Variants in TANK observed in about 807,000 individuals in gnomAD.
The protein encoded by TANK is TRAF family member associated NFKB activator, also known as TRAF family member-associated NF-kappa-B activator.
A neutral mutation model predicts 43.6 loss-of-function variants in TANK; 15 were observed. That is an observed-to-expected ratio of 0.34 (90% confidence interval 0.23 to 0.53). TANK has a LOEUF of 0.53. Among genes scored for constraint, TANK ranks in the 20% least tolerant of loss-of-function variants. The pLI is 0.94. For synonymous variants in TANK, 162 were observed against 178.2 expected (o/e 0.91, Z 0.73); for missense variants, 417 against 498.6 (o/e 0.84, Z 1.56).
intron 1 of TANK, among the ~76,000 whole-genome samples, chr2:161,150,303 C>T (rs1684037195): frequency 1.3e-5 from 2 of 151,954 alleles, no homozygotes; most frequent in South Asian, 4.1e-4. Context: ...CTTTGTATTT[C>T]TATTTGGTTG....
chr2:161,169,996 C>T (rs1296852869), intron 1 of TANK, among the ~76,000 whole-genome samples: 1 of 152,172 alleles, frequency 6.6e-6, no homozygotes, highest in Non-Finnish European at 1.5e-5. Flanking sequence ...AAATAGGGAA[C>T]CACCTTCTTC....
At chr2:161,184,464 ATATC>A (rs1440967883) in intron 2 of TANK, among the ~76,000 whole-genome samples, 2 of 152,208 alleles carry the variant, frequency 1.3e-5, no homozygotes, top group Non-Finnish European at 2.9e-5. Flanking sequence ...GATACATAAA[ATATC>A]TATTAATATA....
At chr2:161,196,581 G>A (rs980291581) in intron 2 of TANK, among the ~76,000 whole-genome samples, 13 of 152,130 alleles carry the variant, frequency 8.5e-5, no homozygotes, top group South Asian at 2.1e-4. Flanking sequence ...GGGGCCAGGC[G>A]CGGTGGCTCA....
intron 1 of TANK, chr2:161,138,103 C>T (rs1206825707): frequency 3.5e-6 from 1 of 285,672 alleles, no homozygotes; most frequent in East Asian, 1.8e-4. Flanking sequence ...ACCATTTAAA[C>T]TTACACAGTT....
At chr2:161,211,794 G>T in intron 4 of TANK, 1 of 985,442 alleles carries the variant, frequency 1.0e-6, no homozygotes, top group Non-Finnish European at 1.2e-6. Flanking sequence ...GGGGCTTAGA[G>T]AACTGGAGAA....
At chr2:161,152,555 G>A (rs1234730434) in intron 1 of TANK, among the ~76,000 whole-genome samples, 1 of 151,922 alleles carries the variant, frequency 6.6e-6, no homozygotes, top group African/African-American at 2.4e-5. Context: ...CTTTCTTGCT[G>A]CTTTCAATAT....
rs550826603 is a variant in TANK, at chr2:161,219,354, T to C, written c.328-4561T>C. ...TTTTATTTTTATATTGTTTATTTTCTTGCCACTTCCTTCAGAACTCTGGGA... is the reference window on the plus strand; with the variant it reads ...TTTTATTTTTATATTGTTTATTTTCCTGCCACTTCCTTCAGAACTCTGGGA... On this transcript the variant is annotated intron_variant, in intron 4 of 7. Transcript: ENST00000392749. Among the ~76,000 whole-genome samples, 597 of 152,314 alleles carry C rather than the reference T, an allele frequency of 3.9e-3. 3 individuals carry two copies. The highest frequency in any genetic ancestry group is 0.013 in the African/African-American group (548 of 41,562).
chr2:161,233,506 A>G (rs1038239567), intron 7 of TANK, among the ~76,000 whole-genome samples: 12 of 152,170 alleles, frequency 7.9e-5, no homozygotes, highest in Admixed American at 2.6e-4. Context: ...CTTTCTATCA[A>G]TCATTACTAC....
At chr2:161,220,914 C>G (rs986896069) in intron 4 of TANK, among the ~76,000 whole-genome samples, 2 of 151,998 alleles carry the variant, frequency 1.3e-5, no homozygotes, top group Non-Finnish European at 2.9e-5. Flanking sequence ...ATATTAACCA[C>G]TTTTTTTTCT....
chr2:161,139,652 C>T (rs909327966), intron 1 of TANK: 34 of 974,556 alleles, frequency 3.5e-5, no homozygotes, highest in African/African-American at 1.2e-4. Context: ...CAAACCTACA[C>T]GTTTCCTCTT....
chr2:161,192,426 G>A (rs1042038472), intron 2 of TANK, among the ~76,000 whole-genome samples: 2 of 152,124 alleles, frequency 1.3e-5, no homozygotes, highest in African/African-American at 4.8e-5. Flanking sequence ...TACTGATCAC[G>A]AAGTATATTT....
chr2:161,176,699 A>G (rs1469170501), intron 1 of TANK, among the ~76,000 whole-genome samples: 1 of 152,186 alleles, frequency 6.6e-6, no homozygotes. Context: ...TTTGTACTGA[A>G]GAAAAAGAAA....
chr2:161,201,217 G>A (rs1430128361), intron 2 of TANK: 1 of 981,614 alleles, frequency 1.0e-6, no homozygotes, highest in East Asian at 1.1e-4. Context: ...AGCTTAAGAA[G>A]TAGTTAAAAC....
At chr2:161,194,840 C>CT (rs1372470084) in intron 2 of TANK, among the ~76,000 whole-genome samples, 4 of 149,574 alleles carry the variant, frequency 2.7e-5, no homozygotes, top group East Asian at 3.9e-4. Flanking sequence ...GTTTACCACT[C>CT]TTTTTTTTAT....
intron 4 of TANK, chr2:161,207,692 T>C (rs1574038026): frequency 1.0e-6 from 1 of 985,418 alleles, no homozygotes; most frequent in Non-Finnish European, 1.2e-6. Context: ...TGTGTTGATC[T>C]ATACTTAGTG....
intron 1 of TANK, among the ~76,000 whole-genome samples, chr2:161,147,718 T>C (rs879116270): frequency 6.6e-6 from 1 of 152,166 alleles, no homozygotes; most frequent in Non-Finnish European, 1.5e-5. Context: ...TAGTCCTTTT[T>C]GATGGGAGCC....
At chr2:161,138,202 A>G (rs960083152) in intron 1 of TANK, among the ~76,000 whole-genome samples, 1 of 152,212 alleles carries the variant, frequency 6.6e-6, no homozygotes, top group African/African-American at 2.4e-5. Context: ...TATTTCATTA[A>G]GTTATTTTCT....
At chr2:161,165,203 A>G (rs937854921) in intron 1 of TANK, among the ~76,000 whole-genome samples, 18 of 152,184 alleles carry the variant, frequency 1.2e-4, no homozygotes, top group Admixed American at 3.9e-4. Context: ...AGCAAGTTGA[A>G]CTTATGAGAG....
At chr2:161,189,328 G>A (rs563190830) in intron 2 of TANK, among the ~76,000 whole-genome samples, 18 of 152,250 alleles carry the variant, frequency 1.2e-4, no homozygotes, top group Admixed American at 1.1e-3. Context: ...AAAAGCATTT[G>A]ATAAAATTCA....
Sources: allele counts gnomAD v4.1 joint callset (sites outside exome capture counted in the v4.1 genomes callset), GRCh38; gene constraint gnomAD v4.1.1; transcripts MANE v1.5; gene names NCBI Gene and HGNC (gene_info 2026-07-23, HGNC 2026-07-21).